The following FHOD3 variants were observed in gnomAD, a reference collection of about 807,000 sequenced individuals.
FHOD3 encodes the protein formin homology 2 domain containing 3, also known as FH1/FH2 domain-containing protein 3.
Under a neutral mutation model 173.0 loss-of-function variants are expected in FHOD3, and 90 were observed. The ratio of observed to expected loss-of-function variants is 0.52; its 90% CI spans 0.44 to 0.62. The LOEUF (loss-of-function observed/expected upper bound fraction) is 0.62. FHOD3 is among the 20% of genes least tolerant of loss of function. FHOD3 has a pLI of 0.00. For synonymous variants in FHOD3, 828 were observed against 823.0 expected, an observed-to-expected ratio of 1.01 and a Z score of -0.10; for missense variants, 1,945 against 2,034.7, an observed-to-expected ratio of 0.96 and a Z score of 0.85.
chr18:36,458,422 AAC>A (rs2052349616), intron 3 of FHOD3, among the ~76,000 whole-genome samples: 1 of 152,168 alleles, frequency 6.6e-6, no homozygotes, highest in Non-Finnish European at 1.5e-5. Context: ...ACGTACTTCC[AAC>A]CACTCACCTA....
At chr18:36,661,508 G>T (rs1430055520) in intron 14 of FHOD3, among the ~76,000 whole-genome samples, 1 of 152,112 alleles carries the variant, frequency 6.6e-6, no homozygotes, top group African/African-American at 2.4e-5. Flanking sequence ...TAAACATTGT[G>T]CCTGAGCCCT....
At chr18:36,606,767 A>G (rs1441876325) in intron 8 of FHOD3, among the ~76,000 whole-genome samples, 1 of 152,196 alleles carries the variant, frequency 6.6e-6, no homozygotes, top group Non-Finnish European at 1.5e-5. Flanking sequence ...CTTCCAAAAT[A>G]CGTTGGAACT....
At chr18:36,314,051 C>T (rs1194501062) in intron 1 of FHOD3, among the ~76,000 whole-genome samples, 2 of 152,152 alleles carry the variant, frequency 1.3e-5, no homozygotes, top group Non-Finnish European at 2.9e-5. Flanking sequence ...CCTGGCCTGT[C>T]AGAAGAATTT....
intron 27 of FHOD3, among the ~76,000 whole-genome samples, chr18:36,765,178 G>GGA (rs375585906): frequency 1.4e-4 from 21 of 152,306 alleles, no homozygotes; most frequent in African/African-American, 5.1e-4. Flanking sequence ...AAATGTTGAA[G>GGA]GAGATGTCCT....
At chr18:36,532,408 A>C (rs1489590886) in intron 5 of FHOD3, among the ~76,000 whole-genome samples, 1 of 152,144 alleles carries the variant, frequency 6.6e-6, no homozygotes, top group Non-Finnish European at 1.5e-5. Flanking sequence ...GGACATCCAT[A>C]GTGGCTTCTG....
intron 14 of FHOD3, among the ~76,000 whole-genome samples, chr18:36,659,695 T>C (rs1276688730): frequency 6.6e-6 from 1 of 152,178 alleles, no homozygotes; most frequent in Non-Finnish European, 1.5e-5. Context: ...TGCTCACTGC[T>C]TGGGAACACT....
intron 3 of FHOD3, among the ~76,000 whole-genome samples, chr18:36,413,061 C>A (rs2049438967): frequency 6.6e-6 from 1 of 152,200 alleles, no homozygotes; most frequent in African/African-American, 2.4e-5. Context: ...CTGCACCTTT[C>A]CCAGAAACAC....
chr18:36,772,388 C>T (rs990004629), intron 28 of FHOD3, among the ~76,000 whole-genome samples: 1 of 152,220 alleles, frequency 6.6e-6, no homozygotes, highest in African/African-American at 2.4e-5. Flanking sequence ...TGGTTTGGGC[C>T]TCATGCTGAA....
intron 18 of FHOD3, among the ~76,000 whole-genome samples, chr18:36,714,153 A>G (rs1251496192): frequency 1.3e-5 from 2 of 152,228 alleles, no homozygotes; most frequent in African/African-American, 4.8e-5. Context: ...AGCAAAGGAA[A>G]TTACTAAGGA....
chr18:36,335,086 C>T (rs969103647), intron 1 of FHOD3, among the ~76,000 whole-genome samples: 1 of 152,202 alleles, frequency 6.6e-6, no homozygotes, highest in Non-Finnish European at 1.5e-5. Context: ...ATGGCAGTCG[C>T]CTAGGACAGG....
intron 3 of FHOD3, among the ~76,000 whole-genome samples, chr18:36,446,657 G>C (rs1200790974): frequency 6.6e-6 from 1 of 152,126 alleles, no homozygotes; most frequent in African/African-American, 2.4e-5. Context: ...GTTGGTCCTG[G>C]AGGAAATTTG....
chr18:36,391,072 A>G (rs1009398200), intron 3 of FHOD3, among the ~76,000 whole-genome samples: 5 of 152,238 alleles, frequency 3.3e-5, no homozygotes, highest in Admixed American at 6.5e-5. Context: ...CTCCAACTGT[A>G]GGCACCAGTC....
intron 1 of FHOD3, among the ~76,000 whole-genome samples, chr18:36,318,512 A>T (rs1157882126): frequency 6.6e-6 from 1 of 152,130 alleles, no homozygotes; most frequent in East Asian, 1.9e-4. Flanking sequence ...TTCACACATG[A>T]TTTGGCTCTC....
chr18:36,755,426 G>A (rs1161136541), intron 25 of FHOD3, 115 bp downstream of exon 25: 1 of 473,656 alleles, frequency 2.1e-6, no homozygotes, highest in South Asian at 5.6e-5. Flanking sequence ...TTTTTTTTTT[G>A]ACTATAAAAA....
intron 17 of FHOD3, among the ~76,000 whole-genome samples, chr18:36,704,825 C>G (rs75316643): frequency 0.014 from 2,111 of 152,258 alleles, 61 homozygotes; most frequent in African/African-American, 0.049. Context: ...CTCCCTGCCC[C>G]GCTCCGGTGT....
intron 3 of FHOD3, among the ~76,000 whole-genome samples, chr18:36,501,398 G>A (rs755199702): frequency 5.9e-5 from 9 of 152,194 alleles, no homozygotes; most frequent in African/African-American, 1.7e-4. Flanking sequence ...CCTGAGGAGC[G>A]CTCAAGGCAG....
At chr18:36,298,113 G>T (rs968846365) in intron 1 of FHOD3, 113 bp downstream of exon 1, 1 of 975,122 alleles carries the variant, frequency 1.0e-6, no homozygotes, top group African/African-American at 1.7e-5. Flanking sequence ...GGCGCGGCCC[G>T]GGGGGACCAT....
At chr18:36,521,459 A>G (rs1435966552) in intron 5 of FHOD3, among the ~76,000 whole-genome samples, 1 of 152,144 alleles carries the variant, frequency 6.6e-6, no homozygotes, top group Non-Finnish European at 1.5e-5. Context: ...GTAATCATTC[A>G]TCACATTCAA....
intron 28 of FHOD3, among the ~76,000 whole-genome samples, chr18:36,774,179 A>G (rs1437712216): frequency 6.6e-6 from 1 of 152,194 alleles, no homozygotes; most frequent in African/African-American, 2.4e-5. Context: ...ATTTTAACTG[A>G]CTGCCTTCTG....
Sources: gnomAD v4.1 joint callset for allele counts (sites outside exome capture counted in the v4.1 genomes callset) on GRCh38, gnomAD v4.1.1 for gene constraint, MANE v1.5 for transcripts, NCBI Gene and HGNC (gene_info 2026-07-23, HGNC 2026-07-21) for gene names.